ZNF229: variants seen among roughly 807,000 people sequenced by gnomAD.
ZNF229 encodes zinc finger protein 229.
ZNF229 carries 10 observed loss-of-function variants against 11.8 expected under a neutral mutation model. The observed-to-expected ratio is 0.85, with a 90% CI of 0.52 to 1.44. The LOEUF (loss-of-function observed/expected upper bound fraction) is 1.44. ZNF229 is among the 40% of genes most tolerant of loss of function. The probability of loss-of-function intolerance (pLI) is 0.00; values close to 1 mark genes in which losing one functional copy is unlikely to be tolerated. For missense variants in ZNF229, 1,045 were observed against 1,015.1 expected (o/e 1.03, Z -0.40); for synonymous variants, 368 against 374.8 (o/e 0.98, Z 0.21).
chr19:44,442,798 C>CCCAAAAAAATG lies in ZNF229; in HGVS notation c.34+15_34+16insCATTTTTTTGG. The CCCAAAAAAATG allele has an allele frequency of 6.3e-7, 1 of 1,587,038 alleles. No homozygotes were observed. On this transcript the variant is annotated intron_variant, in intron 3 of 5. Coordinates refer to ENST00000614049, the MANE Select transcript of ZNF229 (RefSeq NM_014518.4). ...TTTGGATTCTCCCCCCACCCACCCC[C>CCCAAAAAAATG]TCTATTAGCTGTCACCTCTTTTCTC... is the stretch of plus-strand genomic sequence containing the variant.
rs1460585885 is a variant in ZNF229 at position 44,429,189 on chromosome 19, CCT to C, written c.1590_1591del (p.Gly531AlafsTer42). ...GTGCAGTCTCTGATGCATGAGAAGC[CCT>C]GAGCTGTAACTGAAACTCTTACCAC... On this transcript the variant is annotated frameshift_variant, in exon 6 of 6. Coordinates refer to ENST00000614049, the MANE Select transcript of ZNF229 (RefSeq NM_014518.4). LOFTEE classifies it low-confidence loss of function (END_TRUNC). 3 of 1,613,050 alleles carry C rather than the reference CCT, an allele frequency of 1.9e-6. No individual in the cohort carries two copies. Among genetic ancestry groups the C allele is most frequent in the Non-Finnish European group, 2.5e-6 (3 of 1,179,844 alleles).
At chr19:44,437,561 A>G (rs1222688847) in intron 4 of ZNF229, among the ~76,000 whole-genome samples, 1 of 152,230 alleles carries the variant, frequency 6.6e-6, no homozygotes, top group Admixed American at 6.5e-5. Context: ...CAGTGTGGTG[A>G]TTCCTAAAAG....
chr19:44,431,985 C>G (rs1971730729), intron 5 of ZNF229: 1 of 762,636 alleles, frequency 1.3e-6, no homozygotes, highest in Non-Finnish European at 1.8e-6. Flanking sequence ...AAAAGGAAGT[C>G]AGCTATCTGC....
intron 5 of ZNF229, 29 bp downstream of exon 5, chr19:44,432,193 A>G: frequency 5.0e-6 from 8 of 1,590,880 alleles, no homozygotes; most frequent in Non-Finnish European, 6.8e-6. Context: ...CAGGAACAAG[A>G]ACACTCCAAG....
At chr19:44,438,456 A>G (rs1193341055) in intron 4 of ZNF229, among the ~76,000 whole-genome samples, 1 of 152,238 alleles carries the variant, frequency 6.6e-6, no homozygotes, top group Non-Finnish European at 1.5e-5. Context: ...TGTGGCAATA[A>G]TATATTAACA....
At chr19:44,444,489 C>T (rs955371442) in intron 2 of ZNF229, among the ~76,000 whole-genome samples, 5 of 152,196 alleles carry the variant, frequency 3.3e-5, no homozygotes, top group African/African-American at 4.8e-5. Flanking sequence ...CCAGGCAACA[C>T]GCTACCCTCC....
intron 1 of ZNF229, among the ~76,000 whole-genome samples, chr19:44,448,024 GATA>G (rs1972032685): frequency 6.6e-6 from 1 of 152,162 alleles, no homozygotes; most frequent in Admixed American, 6.5e-5. Flanking sequence ...CATTTCAAAG[GATA>G]AAATTAGAAC....
intron 5 of ZNF229, among the ~76,000 whole-genome samples, chr19:44,431,533 C>A (rs941435401): frequency 2.0e-5 from 3 of 152,110 alleles, no homozygotes; most frequent in Non-Finnish European, 2.9e-5. Context: ...GGACGGAAGT[C>A]CAGAGGTCCC....
chr19:44,431,844 AACGTGAT>A, intron 5 of ZNF229: 1 of 980,086 alleles, frequency 1.0e-6, no homozygotes, highest in Non-Finnish European at 1.2e-6. Context: ...CCTAAATCCC[AACGTGAT>A]ACCATTAGGA....
In ZNF229 at chr19:44,428,971, C is replaced by A. The variant is rs752215607; in HGVS notation, c.1810G>T (p.Val604Leu). The A allele has an allele frequency of 5.6e-6, 9 of 1,613,614 alleles. No individual in the cohort carries two copies. In the South Asian group the frequency reaches 9.9e-5, roughly 18 times the overall value. Residue 604 changes from valine (V) to leucine (L), a missense_variant, in exon 6 of 6, where the codon GTG becomes TTG. By Grantham distance (32) the Val-to-Leu change is conservative (BLOSUM62 1). Transcript: ENST00000614049. ...CTGTAGATGAAACCCTTCCCACACA[C>A]GTCACACACGTAGGGCCTCTCTCCC... is the stretch of plus-strand genomic sequence containing the variant. ...HTGERPYVCD[V>L]CGKGFIYSSD...
At chr19:44,436,137 C>T (rs969079433) in intron 4 of ZNF229, among the ~76,000 whole-genome samples, 1 of 152,148 alleles carries the variant, frequency 6.6e-6, no homozygotes, top group African/African-American at 2.4e-5. Context: ...GGCCCGGACT[C>T]GGACATGGGA....
intron 4 of ZNF229, among the ~76,000 whole-genome samples, chr19:44,436,795 T>C (rs1971822723): frequency 6.6e-6 from 1 of 152,132 alleles, no homozygotes; most frequent in Non-Finnish European, 1.5e-5. Context: ...TCAATGCAGA[T>C]GTACAAGTAA....
chr19:44,447,946 C>A (rs1972030657), intron 1 of ZNF229, among the ~76,000 whole-genome samples: 1 of 152,134 alleles, frequency 6.6e-6, no homozygotes, highest in South Asian at 2.1e-4. Context: ...TGTGCTTAGG[C>A]GGCTACAAAA....
At position 44,433,813 on chromosome 19, in the gene ZNF229, C is replaced by T. The variant is rs139931992; in HGVS notation, c.94-1447G>A. On this transcript the variant is annotated intron_variant, in intron 4 of 5. Transcript: ENST00000614049. ...ACAGAGTCTTGCTCTGTTGCCCAGG[C>T]TGGAGTGCAGTGGTGCAATCTTGAC... Among the ~76,000 whole-genome samples, 273 of 152,256 alleles carry T rather than the reference C, an allele frequency of 1.8e-3. 4 individuals are homozygous for T. The highest frequency in any genetic ancestry group is 6.1e-3 in the African/African-American group (255 of 41,512).
intron 5 of ZNF229, chr19:44,431,745 C>T: frequency 1.0e-6 from 1 of 986,998 alleles, no homozygotes; most frequent in Non-Finnish European, 1.2e-6. Context: ...TCTCCAAGAC[C>T]TCTAGGCCTC....
chr19:44,431,121 A>G (rs1189558068), intron 5 of ZNF229, among the ~76,000 whole-genome samples: 2 of 152,170 alleles, frequency 1.3e-5, no homozygotes, highest in African/African-American at 4.8e-5. Context: ...TTTGTGAGCC[A>G]TACTTCAGGA....
intron 3 of ZNF229, 27 bp downstream of exon 3, chr19:44,442,787 C>A: frequency 6.4e-7 from 1 of 1,565,316 alleles, no homozygotes; most frequent in Non-Finnish European, 8.8e-7. Flanking sequence ...GATTCTCCCC[C>A]CACCCACCCC....
At chr19:44,430,642 T>A (rs1372575416) in intron 5 of ZNF229, 100 bp from the exon 6 acceptor site, 10 of 1,158,800 alleles carry the variant, frequency 8.6e-6, no homozygotes, top group Middle Eastern at 2.9e-4. Context: ...AGAGAAAAAT[T>A]AGGCTTTATG....
At chr19:44,435,748 CTAAATTCTGAGGCAT>C (rs1246285950) in intron 4 of ZNF229, among the ~76,000 whole-genome samples, 3 of 152,172 alleles carry the variant, frequency 2.0e-5, no homozygotes, top group African/African-American at 7.2e-5. Flanking sequence ...AAAACTGGAT[CTAAATTCTGAGGCAT>C]AAGTAGAAAT....
Sources: gnomAD v4.1 joint callset for allele counts (sites outside exome capture counted in the v4.1 genomes callset) on GRCh38, gnomAD v4.1.1 for gene constraint, MANE v1.5 for transcripts, NCBI Gene and HGNC (gene_info 2026-07-23, HGNC 2026-07-21) for gene names.